Variants in FAM83B observed in about 807,000 individuals in gnomAD.
FAM83B encodes the protein protein FAM83B.
Under a neutral mutation model 38.8 loss-of-function variants are expected in FAM83B, and 26 were observed. The observed-to-expected ratio is 0.67, with a 90% CI of 0.49 to 0.93. The LOEUF is 0.93. FAM83B is among the 40% of genes least tolerant of loss of function. The pLI is 0.00. For synonymous variants in FAM83B, 419 were observed against 423.1 expected (o/e 0.99, Z 0.12); for missense variants, 1,237 against 1,197.3 (o/e 1.03, Z -0.49).
At chr6:54,884,696 T>G (rs1236832564) in intron 2 of FAM83B, among the ~76,000 whole-genome samples, 1 of 152,058 alleles carries the variant, frequency 6.6e-6, no homozygotes, top group African/African-American at 2.4e-5. Flanking sequence ...TCCATTGATT[T>G]ACTTATCATT....
At chr6:54,874,610 A>G (rs747836149) in intron 2 of FAM83B, among the ~76,000 whole-genome samples, 22 of 152,098 alleles carry the variant, frequency 1.4e-4, no homozygotes, top group Non-Finnish European at 2.9e-4. Flanking sequence ...GTCTTCTTTC[A>G]TTAAAGTTTT....
chr6:54,847,190 A>G (rs1469334400), intron 1 of FAM83B, among the ~76,000 whole-genome samples: 1 of 149,250 alleles, frequency 6.7e-6, no homozygotes, highest in Non-Finnish European at 1.5e-5. Context: ...TGCGCCGAGG[A>G]CCCCGGGAGG....
rs953107880 is a variant in FAM83B, at chr6:54,943,426, G to T, written c.*1419G>T. Reference sequence around the variant, plus strand: ...GAGTTCAAGAAGCAGTGCATCCTGTGAGAAGTGTGAAGTGTTTGTACATCA... The same window carrying T: ...GAGTTCAAGAAGCAGTGCATCCTGTTAGAAGTGTGAAGTGTTTGTACATCA... On this transcript the variant is annotated 3_prime_UTR_variant, in exon 5 of 5. Transcript: ENST00000306858. 1 of 152,142 alleles carries T rather than the reference G, an allele frequency of 6.6e-6. No homozygotes were observed. The highest frequency in any genetic ancestry group is 1.5e-5 in the Non-Finnish European group (1 of 68,034). 9.4% of individuals were successfully genotyped at this position (152,142 alleles called of 1,614,324 possible).
intron 2 of FAM83B, among the ~76,000 whole-genome samples, chr6:54,883,334 T>TC: frequency 3.6e-5 from 1 of 27,460 alleles, no homozygotes; most frequent in Non-Finnish European, 5.5e-5. Context: ...TTTTTTAAGT[T>TC]TTTTTTTTTT....
rs551398904 is a variant in FAM83B at position 54,871,957 on chromosome 6, G to A, written c.444+1267G>A. On this transcript the variant is annotated intron_variant, in intron 2 of 4. Transcript: ENST00000306858. ...GCTTTTATGAAGTACGTCAATATAA[G>A]ACCCTTGAATTCCTCAGTGACATGG... is the stretch of plus-strand genomic sequence containing the variant. 2.6e-5 allele frequency among the ~76,000 whole-genome samples: 4 copies of A among 152,060 alleles called. No homozygotes were observed. In the South Asian group the frequency reaches 8.3e-4, roughly 32 times the overall value.
rs1561934810 is a variant in FAM83B, at chr6:54,942,730, T to TTTTTTTTTTTTTTGAG, written c.*723_*724insTTTTTTTTTTTTTGAG. ...TCTTACCCATAGGCTGCTGATTTTT[T>TTTTTTTTTTTTTTGAG]ATAGTCATTCCTTACTTCACATTTA... On this transcript the variant is annotated 3_prime_UTR_variant, in exon 5 of 5. Coordinates refer to ENST00000306858, the MANE Select transcript of FAM83B (RefSeq NM_001010872.3). Among the ~76,000 whole-genome samples, 10 of 151,846 alleles carry TTTTTTTTTTTTTTGAG rather than the reference T, an allele frequency of 6.6e-5. No homozygotes were observed. The highest frequency in any genetic ancestry group is 2.2e-4 in the African/African-American group (9 of 41,172).
rs1320300112 is a variant in FAM83B at position 54,941,246 on chromosome 6, A to G, written c.2275A>G (p.Lys759Glu). 1.2e-6 allele frequency: 2 copies of G among 1,613,314 alleles called. No homozygotes were observed. Among genetic ancestry groups the G allele is most frequent in the South Asian group, 2.2e-5 (2 of 90,812 alleles). ...EESNKELASK[K>E]EVKGSPSFLK... The stretch of plus-strand genomic sequence containing the variant: ...ATCTAACAAAGAACTTGCTTCAAAG[A>G]AGGAAGTTAAGGGTTCCCCAAGTTT... Residue 759 changes from lysine (K) to glutamate (E), a missense_variant, in exon 5 of 5, where the codon AAG (lysine) becomes GAG (glutamate). Coordinates refer to ENST00000306858, the MANE Select transcript of FAM83B (RefSeq NM_001010872.3).
At chr6:54,851,469 T>G (rs553330967) in intron 1 of FAM83B, among the ~76,000 whole-genome samples, 32 of 152,184 alleles carry the variant, frequency 2.1e-4, no homozygotes, top group Non-Finnish European at 4.1e-4. Flanking sequence ...TTTTGTTTTG[T>G]TTTGGTTTGG....
chr6:54,883,987 T>C (rs992992225), intron 2 of FAM83B, among the ~76,000 whole-genome samples: 3 of 152,046 alleles, frequency 2.0e-5, no homozygotes, highest in African/African-American at 7.2e-5. Context: ...CTGGCCAATA[T>C]AGGGAAACCC....
chr6:54,847,693 G>C (rs1332367780), intron 1 of FAM83B, among the ~76,000 whole-genome samples: 3 of 152,140 alleles, frequency 2.0e-5, no homozygotes, highest in Non-Finnish European at 2.9e-5. Context: ...AGGAGTCATA[G>C]GTATGTAAAG....
Position 54,941,780 on chromosome 6 carries a change from T to C in FAM83B, c.2809T>C (p.Phe937Leu). 2.0e-6 allele frequency: 3 copies of C among 1,517,890 alleles called. No individual in the cohort carries two copies. Among genetic ancestry groups the C allele is most frequent in the Non-Finnish European group, 2.7e-6 (3 of 1,113,012 alleles). 94.0% of individuals were successfully genotyped at this position (1,517,890 alleles called of 1,614,324 possible). A position where few individuals can be genotyped will look rare whatever the true frequency, so the allele number is the denominator to read the frequency against. The stretch of plus-strand genomic sequence containing the variant: ...AACTGATCGGCGTGTTTACAGTCGT[T>C]TTGAGCCGTTTTGTAAGATTGAGAG... ...HSTDRRVYSRFEPFCKIESSI... is the reference protein window; with the variant it reads ...HSTDRRVYSRLEPFCKIESSI... Residue 937 changes from phenylalanine to leucine, a missense_variant, in exon 5 of 5, where the codon TTT (phenylalanine) becomes CTT (leucine). Transcript: ENST00000306858.
At chr6:54,937,969 G>A (rs1475273265) in intron 4 of FAM83B, among the ~76,000 whole-genome samples, 1 of 151,954 alleles carries the variant, frequency 6.6e-6, no homozygotes, top group African/African-American at 2.4e-5. Flanking sequence ...AAATTTTGGT[G>A]CACCCATCAC....
At chr6:54,861,898 G>A (rs1461302894) in intron 1 of FAM83B, among the ~76,000 whole-genome samples, 1 of 152,168 alleles carries the variant, frequency 6.6e-6, no homozygotes, top group Non-Finnish European at 1.5e-5. Flanking sequence ...ACCTGTGGGA[G>A]TGCACCTACA....
chr6:54,897,718 C>G (rs1772571756), intron 2 of FAM83B, among the ~76,000 whole-genome samples: 1 of 152,040 alleles, frequency 6.6e-6, no homozygotes, highest in Non-Finnish European at 1.5e-5. Flanking sequence ...ATGAAGATAT[C>G]TAGAAGAAAA....
intron 1 of FAM83B, among the ~76,000 whole-genome samples, chr6:54,848,450 A>G (rs900053202): frequency 2.6e-5 from 4 of 152,198 alleles, no homozygotes; most frequent in Non-Finnish European, 5.9e-5. Context: ...ACAGTTGCTG[A>G]AAGAGATTGT....
At chr6:54,872,413 TG>T (rs2127575774) in intron 2 of FAM83B, among the ~76,000 whole-genome samples, 1 of 152,334 alleles carries the variant, frequency 6.6e-6, no homozygotes, top group African/African-American at 2.4e-5. Flanking sequence ...TATTAATGTT[TG>T]CTGATTTTGT....
At chr6:54,898,290 C>T (rs1012819122) in intron 2 of FAM83B, among the ~76,000 whole-genome samples, 22 of 152,152 alleles carry the variant, frequency 1.4e-4, no homozygotes, top group African/African-American at 4.8e-4. Context: ...AAGAAATTCC[C>T]TGTTAGCCCC....
In FAM83B at chr6:54,940,560, A is replaced by G. The variant is rs375729895; in HGVS notation, c.1589A>G (p.Lys530Arg). The G allele has an allele frequency of 3.1e-6, 5 of 1,614,088 alleles. No homozygotes were observed. Among genetic ancestry groups the G allele is most frequent in the Non-Finnish European group, 4.2e-6 (5 of 1,180,022 alleles). The change falls in exon 5 of 5, where the codon AAG becomes AGG. Residue 530 changes from lysine to arginine, a missense_variant. Coordinates refer to ENST00000306858, the MANE Select transcript of FAM83B (RefSeq NM_001010872.3). ...FEGYDNPENL[K>R]ANALYTHSRL... Reference sequence around the variant, plus strand: ...GGCTATGATAATCCTGAGAATTTGAAGGCCAATGCCCTTTATACTCATTCT... The same window carrying G: ...GGCTATGATAATCCTGAGAATTTGAGGGCCAATGCCCTTTATACTCATTCT...
intron 4 of FAM83B, among the ~76,000 whole-genome samples, chr6:54,932,140 A>G (rs1382902985): frequency 6.6e-6 from 1 of 150,860 alleles, no homozygotes; most frequent in Non-Finnish European, 1.5e-5. Context: ...CCTCCTGAGT[A>G]GCTGTGATTA....
Sources: gnomAD v4.1 joint callset for allele counts (sites outside exome capture counted in the v4.1 genomes callset) on GRCh38, gnomAD v4.1.1 for gene constraint, MANE v1.5 for transcripts, NCBI Gene and HGNC (gene_info 2026-07-23, HGNC 2026-07-21) for gene names.